Variants in ARHGAP15 observed in about 807,000 individuals in gnomAD.
ARHGAP15 encodes Rho GTPase activating protein 15.
Under a neutral mutation model 63.7 loss-of-function variants are expected in ARHGAP15, and 51 were observed. That is an observed-to-expected ratio of 0.80 (90% CI 0.64 to 1.01). ARHGAP15 has a LOEUF of 1.01. Ranked by LOEUF, ARHGAP15 falls within the 50% of genes least tolerant of loss-of-function variation. The pLI is 0.00. For missense variants in ARHGAP15, 560 were observed against 564.6 expected, an observed-to-expected ratio of 0.99 and a Z score of 0.08; for synonymous variants, 191 against 193.8, an observed-to-expected ratio of 0.99 and a Z score of 0.12.
intron 12 of ARHGAP15, among the ~76,000 whole-genome samples, chr2:143,638,818 TAAAC>T (rs1680470578): frequency 6.6e-6 from 1 of 151,944 alleles, no homozygotes; most frequent in Non-Finnish European, 1.5e-5. Context: ...GGAATTTAAA[TAAAC>T]CCCATAACTG....
At chr2:143,730,700 G>T (rs1685487885) in intron 13 of ARHGAP15, among the ~76,000 whole-genome samples, 1 of 151,972 alleles carries the variant, frequency 6.6e-6, no homozygotes, top group African/African-American at 2.4e-5. Flanking sequence ...TTTGTATTTA[G>T]ATTTCACACG....
intron 10 of ARHGAP15, among the ~76,000 whole-genome samples, chr2:143,541,760 G>C (rs1038576953): frequency 6.6e-6 from 1 of 152,054 alleles, no homozygotes; most frequent in African/African-American, 2.4e-5. Context: ...AGGAGTACCC[G>C]GCCGTGTGAG....
chr2:143,432,110 G>T (rs1334854021), intron 6 of ARHGAP15, among the ~76,000 whole-genome samples: 2 of 151,928 alleles, frequency 1.3e-5, no homozygotes, highest in Non-Finnish European at 2.9e-5. Flanking sequence ...TGTTTACTTT[G>T]TGTAGCTATG....
In ARHGAP15 at chr2:143,765,350, C is replaced by G. The variant is rs114385214; in HGVS notation, c.1245-2639C>G. ...GTCCATTCCACTTGCCCTCTACAGA[C>G]AGGAGGATGCTTAATTCACTCAATA... On this transcript the variant is annotated intron_variant, in intron 13 of 13. Transcript: ENST00000295095. Among the ~76,000 whole-genome samples, 778 of 152,190 alleles carry G rather than the reference C, an allele frequency of 5.1e-3. 6 individuals carry two copies. Among genetic ancestry groups the G allele is most frequent in the African/African-American group, 0.018 (740 of 41,516 alleles).
chr2:143,228,436 T>C (rs1693303237), intron 4 of ARHGAP15, 145 bp from the exon 5 acceptor site: 2 of 443,102 alleles, frequency 4.5e-6, no homozygotes, highest in Non-Finnish European at 7.9e-6. Flanking sequence ...ATACCACTTA[T>C]AGATTTTAAT....
intron 9 of ARHGAP15, among the ~76,000 whole-genome samples, chr2:143,508,935 G>T (rs7561228): frequency 0.29 from 44,024 of 152,044 alleles, 7,197 homozygotes; most frequent in African/African-American, 0.41. Context: ...AACTGAAGAC[G>T]GCCAGAAGCC....
intron 13 of ARHGAP15, chr2:143,706,315 C>T (rs1684323715): frequency 6.6e-6 from 1 of 152,104 alleles, no homozygotes; most frequent in Non-Finnish European, 1.5e-5. Context: ...GAATGTTTTC[C>T]TTAGTCTTAA....
chr2:143,568,204 A>C (rs994386890), intron 11 of ARHGAP15, among the ~76,000 whole-genome samples: 50 of 152,308 alleles, frequency 3.3e-4, no homozygotes, highest in African/African-American at 1.1e-3. Flanking sequence ...TCTGCACAGC[A>C]AAAGAAACTA....
intron 13 of ARHGAP15, among the ~76,000 whole-genome samples, chr2:143,744,498 C>A (rs927809660): frequency 9.2e-5 from 14 of 152,112 alleles, no homozygotes; most frequent in African/African-American, 3.4e-4. Flanking sequence ...TGAAATGAAT[C>A]AAACTGTTTA....
At chr2:143,312,944 C>CT (rs1683517480) in intron 6 of ARHGAP15, among the ~76,000 whole-genome samples, 1 of 152,072 alleles carries the variant, frequency 6.6e-6, no homozygotes, top group African/African-American at 2.4e-5. Flanking sequence ...TAAGACTGCC[C>CT]TCTTAGTGTT....
chr2:143,279,346 A>G (rs1213395081), intron 6 of ARHGAP15, among the ~76,000 whole-genome samples: 4 of 152,184 alleles, frequency 2.6e-5, no homozygotes, highest in African/African-American at 9.7e-5. Flanking sequence ...GATGGGAAGT[A>G]CATTCCTGAG....
chr2:143,341,868 T>G (rs1402098697), intron 6 of ARHGAP15, among the ~76,000 whole-genome samples: 2 of 152,186 alleles, frequency 1.3e-5, no homozygotes, highest in Non-Finnish European at 2.9e-5. Flanking sequence ...CTGATTATTC[T>G]TAACTCTCAG....
intron 11 of ARHGAP15, among the ~76,000 whole-genome samples, chr2:143,621,120 C>T (rs1201980810): frequency 6.6e-6 from 1 of 152,020 alleles, no homozygotes; most frequent in African/African-American, 2.4e-5. Context: ...TTTTATCATC[C>T]CCACTGGGAA....
At chr2:143,631,071 A>ATTTTATATAAATTTTAT (rs1699047485) in intron 12 of ARHGAP15, among the ~76,000 whole-genome samples, 1 of 152,086 alleles carries the variant, frequency 6.6e-6, no homozygotes, top group Non-Finnish European at 1.5e-5. Context: ...ATTTTATATA[A>ATTTTATATAAATTTTAT]ATGGAATCAT....
At chr2:143,399,109 G>A (rs958586219) in intron 6 of ARHGAP15, among the ~76,000 whole-genome samples, 1 of 152,054 alleles carries the variant, frequency 6.6e-6, no homozygotes, top group Non-Finnish European at 1.5e-5. Flanking sequence ...CTTATAAAAA[G>A]TTGATCTCAT....
chr2:143,734,587 G>A (rs1285352709), intron 13 of ARHGAP15, among the ~76,000 whole-genome samples: 3 of 152,158 alleles, frequency 2.0e-5, no homozygotes, highest in South Asian at 2.1e-4. Context: ...TGGTATTGTC[G>A]ATTTTGATTA....
At chr2:143,690,134 AC>A (rs1683528223) in intron 12 of ARHGAP15, among the ~76,000 whole-genome samples, 1 of 152,020 alleles carries the variant, frequency 6.6e-6, no homozygotes, top group Non-Finnish European at 1.5e-5. Context: ...AGGAAGGCAG[AC>A]TCTCTGGTTC....
Position 143,333,862 on chromosome 2 carries a change from C to T in ARHGAP15, c.474+83262C>T, listed in dbSNP as rs187051470. Among the ~76,000 whole-genome samples the T allele has an allele frequency of 9.2e-5, 14 of 152,192 alleles. No homozygotes were observed. The East Asian group carries it at 2.3e-3, about 25-fold the overall frequency. ...GGCTAGAAAGTAATGAGAATTTTTCCGTGGAGAGTTTTGACCTGCTATTCA... is the reference window on the plus strand; with the variant it reads ...GGCTAGAAAGTAATGAGAATTTTTCTGTGGAGAGTTTTGACCTGCTATTCA... On this transcript the variant is annotated intron_variant, in intron 6 of 13. Transcript: ENST00000295095.
At chr2:143,612,759 T>C (rs1220181855) in intron 11 of ARHGAP15, among the ~76,000 whole-genome samples, 1 of 152,204 alleles carries the variant, frequency 6.6e-6, no homozygotes, top group East Asian at 1.9e-4. Context: ...TGGAGCCAGA[T>C]TGCCTGGACT....
Sources: allele counts gnomAD v4.1 joint callset (sites outside exome capture counted in the v4.1 genomes callset), GRCh38; gene constraint gnomAD v4.1.1; transcripts MANE v1.5; gene names NCBI Gene and HGNC (gene_info 2026-07-23, HGNC 2026-07-21).